The following SCD5 variants were observed in gnomAD, a reference collection of about 807,000 sequenced individuals.
The protein encoded by SCD5 is stearoyl-CoA desaturase 5.
Under a neutral mutation model 30.4 loss-of-function variants are expected in SCD5, and 20 were observed. The observed-to-expected ratio is 0.66, with a 90% CI of 0.46 to 0.96. The LOEUF is 0.96. Ranked by LOEUF, SCD5 falls within the 40% of genes least tolerant of loss-of-function variation. The pLI, the probability that SCD5 is intolerant of heterozygous loss-of-function variation, is 0.00. For synonymous variants in SCD5, 173 were observed against 176.4 expected, an observed-to-expected ratio of 0.98 and a Z score of 0.16; for missense variants, 381 against 443.3, an observed-to-expected ratio of 0.86 and a Z score of 1.26.
chr4:82,795,365 G>A (rs1722189555), intron 1 of SCD5, among the ~76,000 whole-genome samples: 1 of 152,180 alleles, frequency 6.6e-6, no homozygotes, highest in South Asian at 2.1e-4. Context: ...TAGGGAGGTG[G>A]TGAAAAAGGG....
intron 1 of SCD5, among the ~76,000 whole-genome samples, chr4:82,795,809 C>CA (rs72115040): frequency 0.58 from 25,245 of 43,868 alleles, 10,089 homozygotes; most frequent in Non-Finnish European, 0.75. Flanking sequence ...CCCTGTCTCA[C>CA]AAAAAAAAAA....
intron 1 of SCD5, among the ~76,000 whole-genome samples, chr4:82,730,261 A>T (rs1406724621): frequency 1.2e-5 from 1 of 85,278 alleles, no homozygotes; most frequent in Non-Finnish European, 2.0e-5. Context: ...TATATTATAC[A>T]TTTATATATA....
At chr4:82,791,467 G>A (rs1722097038) in intron 1 of SCD5, among the ~76,000 whole-genome samples, 1 of 152,122 alleles carries the variant, frequency 6.6e-6, no homozygotes, top group Non-Finnish European at 1.5e-5. Flanking sequence ...GATAACCATG[G>A]GGCTTTCTTT....
At chr4:82,759,076 G>A (rs924974374) in intron 1 of SCD5, among the ~76,000 whole-genome samples, 5 of 152,212 alleles carry the variant, frequency 3.3e-5, no homozygotes, top group African/African-American at 1.2e-4. Context: ...AACGCATCAC[G>A]GTTCCTTTCC....
At position 82,700,148 on chromosome 4, in the gene SCD5, C is replaced by T. The variant is rs111972917; in HGVS notation, c.363+5135G>A. On this transcript the variant is annotated intron_variant, in intron 2 of 4. Coordinates refer to ENST00000319540, the MANE Select transcript of SCD5 (RefSeq NM_001037582.3). ...ATGAGAATCTCTTGAACCTGGGAGG[C>T]GGAGGTTGCAGTGAGTCGAGATCAC... Among the ~76,000 whole-genome samples, 587 of 151,880 alleles carry T rather than the reference C, an allele frequency of 3.9e-3. 7 individuals carry two copies. Among genetic ancestry groups the T allele is most frequent in the African/African-American group, 0.014 (572 of 41,454 alleles).
intron 2 of SCD5, among the ~76,000 whole-genome samples, chr4:82,703,773 G>A (rs1323741369): frequency 6.6e-6 from 1 of 152,180 alleles, no homozygotes; most frequent in African/African-American, 2.4e-5. Context: ...ATAACTACAT[G>A]AGTGTGTCAT....
intron 2 of SCD5, among the ~76,000 whole-genome samples, chr4:82,699,598 G>T (rs1454758879): frequency 1.5e-5 from 2 of 135,950 alleles, no homozygotes; most frequent in African/African-American, 5.6e-5. Flanking sequence ...GACAGTTTCA[G>T]CCTTGTTCCC....
At chr4:82,791,668 G>A (rs1722101449) in intron 1 of SCD5, among the ~76,000 whole-genome samples, 1 of 152,120 alleles carries the variant, frequency 6.6e-6, no homozygotes, top group African/African-American at 2.4e-5. Context: ...TTGTACTCTT[G>A]TTACACCCAA....
At chr4:82,741,541 C>T (rs1215022078) in intron 1 of SCD5, among the ~76,000 whole-genome samples, 10 of 152,146 alleles carry the variant, frequency 6.6e-5, no homozygotes, top group Non-Finnish European at 1.2e-4. Flanking sequence ...AACTGACCAG[C>T]CAGCAAAGAA....
rs1367124617 is a variant in SCD5, at chr4:82,793,176, T to C, written c.232+5130A>G. 2.0e-5 allele frequency among the ~76,000 whole-genome samples: 3 copies of C among 152,182 alleles called. No individual in the cohort carries two copies. In the East Asian group the frequency reaches 5.8e-4, roughly 29 times the overall value. ...TTTCTTAGATTTTTAGTAGTTTAAT[T>C]GAGCATTAAAGTTTTTTAAATGATG... On this transcript the variant is annotated intron_variant, in intron 1 of 4. Transcript: ENST00000319540.
In SCD5 at chr4:82,630,437, C is replaced by T. The variant is rs1727261052; in HGVS notation, c.*890G>A. ...CCCCCTTCTGTCTTCTACCCTGCCTCTCTGCTCCTTCAGATGGTTGTTTAA... is the reference window on the plus strand; with the variant it reads ...CCCCCTTCTGTCTTCTACCCTGCCTTTCTGCTCCTTCAGATGGTTGTTTAA... On this transcript the variant is annotated 3_prime_UTR_variant, in exon 5 of 5. Transcript: ENST00000319540. 1 of 152,216 alleles carries T rather than the reference C, an allele frequency of 6.6e-6. No individual in the cohort carries two copies. Among genetic ancestry groups the T allele is most frequent in the Non-Finnish European group, 1.5e-5 (1 of 68,052 alleles). 9.4% of individuals were successfully genotyped at this position (152,216 alleles called of 1,614,324 possible).
At position 82,637,193 on chromosome 4, in the gene SCD5, A is replaced by G. The variant is rs957628995; in HGVS notation, c.570-370T>C. On this transcript the variant is annotated intron_variant, in intron 3 of 4. Transcript: ENST00000319540. ...TAGCACCTAGAGATTTCTTTCATCA[A>G]TCAACCTGATATTCAGGTTTTCTCA... is the stretch of plus-strand genomic sequence containing the variant. Among the ~76,000 whole-genome samples the G allele has an allele frequency of 2.0e-5, 3 of 152,208 alleles. No homozygotes were observed. The East Asian group carries it at 5.8e-4, about 29-fold the overall frequency.
intron 3 of SCD5, among the ~76,000 whole-genome samples, chr4:82,671,578 T>C (rs1442627127): frequency 6.6e-6 from 1 of 152,100 alleles, no homozygotes; most frequent in Non-Finnish European, 1.5e-5. Context: ...CAGAAATCAA[T>C]AATAAAAGAC....
intron 3 of SCD5, among the ~76,000 whole-genome samples, chr4:82,650,691 G>A (rs1003044336): frequency 2.7e-5 from 4 of 150,138 alleles, no homozygotes; most frequent in Non-Finnish European, 4.4e-5. Flanking sequence ...GTGAGAACTT[G>A]TGTCAAAAAA....
chr4:82,758,684 G>A (rs920017111), intron 1 of SCD5, among the ~76,000 whole-genome samples: 9 of 152,098 alleles, frequency 5.9e-5, no homozygotes, highest in Non-Finnish European at 1.2e-4. Context: ...GGATTTTGGT[G>A]CGGGTGAGGG....
intron 1 of SCD5, among the ~76,000 whole-genome samples, chr4:82,757,718 TG>T (rs764460070): frequency 6.6e-6 from 1 of 152,092 alleles, no homozygotes; most frequent in Non-Finnish European, 1.5e-5. Context: ...GTCTGCAAAA[TG>T]GGGATGATTT....
At chr4:82,675,210 T>C (rs1289777237) in intron 3 of SCD5, among the ~76,000 whole-genome samples, 1 of 152,190 alleles carries the variant, frequency 6.6e-6, no homozygotes, top group Non-Finnish European at 1.5e-5. Context: ...GGAGAGGCTA[T>C]GCATGTGTGT....
At chr4:82,766,247 A>G (rs926773663) in intron 1 of SCD5, among the ~76,000 whole-genome samples, 6 of 152,186 alleles carry the variant, frequency 3.9e-5, no homozygotes, top group South Asian at 2.1e-4. Context: ...ACGCTGTCCC[A>G]CAGCTCACTG....
intron 1 of SCD5, among the ~76,000 whole-genome samples, chr4:82,789,472 G>T (rs1722055387): frequency 6.6e-6 from 1 of 152,214 alleles, no homozygotes; most frequent in Admixed American, 6.5e-5. Flanking sequence ...TGATTCCGTG[G>T]GGTCGGTGAG....
Sources: gnomAD v4.1 joint callset for allele counts (sites outside exome capture counted in the v4.1 genomes callset) on GRCh38, gnomAD v4.1.1 for gene constraint, MANE v1.5 for transcripts, NCBI Gene and HGNC (gene_info 2026-07-23, HGNC 2026-07-21) for gene names.